Variants in BCKDHB observed in about 807,000 individuals in gnomAD.
BCKDHB encodes branched chain keto acid dehydrogenase E1 subunit beta, also known as 2-oxoisovalerate dehydrogenase subunit beta, mitochondrial.
A neutral mutation model predicts 48.5 loss-of-function variants in BCKDHB; 41 were observed. The ratio of observed to expected loss-of-function variants is 0.85; its 90% CI spans 0.66 to 1.10. BCKDHB has a LOEUF of 1.10. Among genes scored for constraint, BCKDHB ranks in the 50% least tolerant of loss-of-function variants. BCKDHB has a pLI of 0.00. For synonymous variants in BCKDHB, 201 were observed against 174.8 expected, an observed-to-expected ratio of 1.15 and a Z score of -1.18; for missense variants, 496 against 494.2, an observed-to-expected ratio of 1.00 and a Z score of -0.03.
the BCKDHB span, among the ~76,000 whole-genome samples, chr6:80,400,884 A>G: frequency 2.0e-5 from 3 of 152,188 alleles, no homozygotes; most frequent in African/African-American, 4.8e-5. Context: ...CTATGAAGCC[A>G]TAAGAAAGAA....
At chr6:80,293,624 T>A (rs968317954) in intron 9 of BCKDHB, among the ~76,000 whole-genome samples, 1 of 152,220 alleles carries the variant, frequency 6.6e-6, no homozygotes, top group Non-Finnish European at 1.5e-5. Flanking sequence ...TCCTTATTAT[T>A]CAAATTTCTG....
the BCKDHB span, among the ~76,000 whole-genome samples, chr6:80,430,495 G>T: frequency 2.0e-5 from 3 of 152,028 alleles, no homozygotes; most frequent in Admixed American, 1.3e-4. Context: ...TCTGGTCCTG[G>T]ACTTTTTTTG....
chr6:80,199,265 C>T (rs1237336230), intron 6 of BCKDHB, among the ~76,000 whole-genome samples: 7 of 151,974 alleles, frequency 4.6e-5, no homozygotes, highest in African/African-American at 9.7e-5. Flanking sequence ...GAGTGAGAGC[C>T]GTCCACAGCA....
the BCKDHB span, among the ~76,000 whole-genome samples, chr6:80,432,389 T>C: frequency 6.6e-6 from 1 of 152,200 alleles, no homozygotes; most frequent in South Asian, 2.1e-4. Context: ...CTTTTTATTC[T>C]TTTTTCTCTA....
At chr6:80,112,234 A>G (rs1769448992) in intron 1 of BCKDHB, among the ~76,000 whole-genome samples, 1 of 152,238 alleles carries the variant, frequency 6.6e-6, no homozygotes, top group South Asian at 2.1e-4. Context: ...GCCATGAGAT[A>G]GCAATATAAG....
intron 8 of BCKDHB, among the ~76,000 whole-genome samples, chr6:80,228,454 C>G (rs1405491805): frequency 6.6e-6 from 1 of 152,132 alleles, no homozygotes; most frequent in Non-Finnish European, 1.5e-5. Flanking sequence ...TACTTTACAT[C>G]TAATAGAGAC....
At chr6:80,400,099 T>G in the BCKDHB span, among the ~76,000 whole-genome samples, 1 of 151,960 alleles carries the variant, frequency 6.6e-6, no homozygotes, top group African/African-American at 2.4e-5. Flanking sequence ...ATTAAAGACT[T>G]AAAAATAAAA....
chr6:80,444,531 A>G, the BCKDHB span, among the ~76,000 whole-genome samples: 1 of 152,196 alleles, frequency 6.6e-6, no homozygotes, highest in African/African-American at 2.4e-5. Context: ...TAATATAGTC[A>G]AAGTATTTTC....
chr6:80,196,466 A>T (rs531140988), intron 6 of BCKDHB, among the ~76,000 whole-genome samples: 6 of 152,214 alleles, frequency 3.9e-5, no homozygotes, highest in African/African-American at 1.4e-4. Flanking sequence ...TTGCTATATT[A>T]TGATTTTATT....
chr6:80,383,560 A>T, the BCKDHB span, among the ~76,000 whole-genome samples: 1 of 152,130 alleles, frequency 6.6e-6, no homozygotes, highest in South Asian at 2.1e-4. Context: ...TCCTAGCTTC[A>T]AATTTTACAT....
chr6:80,353,426 G>A, the BCKDHB span, among the ~76,000 whole-genome samples: 1 of 152,178 alleles, frequency 6.6e-6, no homozygotes, highest in East Asian at 1.9e-4. Context: ...TTGAATGATA[G>A]TTGTATTTTT....
At chr6:80,300,860 C>G (rs1211274103) in intron 9 of BCKDHB, among the ~76,000 whole-genome samples, 1 of 152,106 alleles carries the variant, frequency 6.6e-6, no homozygotes, top group Non-Finnish European at 1.5e-5. Context: ...GAAGAGCTCT[C>G]AAAGCTACAC....
At chr6:80,384,213 G>A in the BCKDHB span, among the ~76,000 whole-genome samples, 7 of 152,266 alleles carry the variant, frequency 4.6e-5, no homozygotes, top group East Asian at 9.6e-4. Flanking sequence ...CATCTAATCA[G>A]CTGCCAGCAA....
intron 8 of BCKDHB, among the ~76,000 whole-genome samples, chr6:80,265,598 A>T (rs1001529374): frequency 6.6e-6 from 1 of 152,064 alleles, no homozygotes; most frequent in Non-Finnish European, 1.5e-5. Context: ...GCTAGGGAAG[A>T]TAGATAAGGA....
the BCKDHB span, among the ~76,000 whole-genome samples, chr6:80,423,170 G>A: frequency 6.6e-6 from 1 of 151,762 alleles, no homozygotes; most frequent in Admixed American, 6.5e-5. Flanking sequence ...GTTTAAAAGT[G>A]GTAGTGTTCC....
the BCKDHB span, among the ~76,000 whole-genome samples, chr6:80,433,511 G>C: frequency 6.6e-6 from 1 of 152,134 alleles, no homozygotes; most frequent in Non-Finnish European, 1.5e-5. Context: ...CCCTCCCCGC[G>C]CCAAGCTTAA....
At chr6:80,202,849 A>G (rs1774459593) in intron 7 of BCKDHB, among the ~76,000 whole-genome samples, 3 of 151,702 alleles carry the variant, frequency 2.0e-5, no homozygotes, top group African/African-American at 7.3e-5. Context: ...TCTACATGCC[A>G]TCTTTGTAAT....
At chr6:80,363,561 G>A in the BCKDHB span, among the ~76,000 whole-genome samples, 11 of 152,010 alleles carry the variant, frequency 7.2e-5, no homozygotes, top group African/African-American at 2.7e-4. Context: ...CTATGATTTT[G>A]TATAGAAAAT....
At chr6:80,331,878 T>C (rs1249396193) in intron 9 of BCKDHB, among the ~76,000 whole-genome samples, 2 of 152,172 alleles carry the variant, frequency 1.3e-5, no homozygotes, top group African/African-American at 4.8e-5. Context: ...ATTTGCTACA[T>C]AATTAGCATT....
Sources: gnomAD v4.1 joint callset for allele counts (sites outside exome capture counted in the v4.1 genomes callset) on GRCh38, gnomAD v4.1.1 for gene constraint, MANE v1.5 for transcripts, NCBI Gene and HGNC (gene_info 2026-07-23, HGNC 2026-07-21) for gene names.